The following SNAP91 variants were observed in gnomAD, a reference collection of about 807,000 sequenced individuals.
SNAP91 encodes clathrin coat assembly protein AP180.
In SNAP91, 27 loss-of-function variants were observed where a neutral mutation model predicts 100.3. That is an observed-to-expected ratio of 0.27 (90% CI 0.20 to 0.37). The LOEUF (loss-of-function observed/expected upper bound fraction) is 0.37. Ranked by LOEUF, SNAP91 falls within the 10% of genes least tolerant of loss-of-function variation. SNAP91 has a pLI of 1.00. For missense variants in SNAP91, 986 were observed against 1,123.7 expected (o/e 0.88, Z 1.75); for synonymous variants, 404 against 398.6 (o/e 1.01, Z -0.16).
chr6:83,589,252 A>G (rs57040350), intron 22 of SNAP91, among the ~76,000 whole-genome samples: 6,386 of 152,284 alleles, frequency 0.042, 416 homozygotes, highest in East Asian at 0.19. Context: ...AAGAATATCT[A>G]GGCCTGGATA....
chr6:83,605,903 T>A, intron 13 of SNAP91, 100 bp from the exon 14 acceptor site: 2 of 1,004,320 alleles, frequency 2.0e-6, no homozygotes, highest in Non-Finnish European at 1.4e-6. Flanking sequence ...ATTTTAGGTA[T>A]TTTAAATCCA....
In SNAP91 at chr6:83,707,691, G is replaced by C. The variant is rs926143221; in HGVS notation, c.130+107C>G. 1.4e-5 allele frequency: 20 copies of C among 1,421,762 alleles called. No homozygotes were observed. The Middle Eastern group carries it at 1.2e-3, about 86-fold the overall frequency. 88.1% of individuals were successfully genotyped at this position (1,421,762 alleles called of 1,614,324 possible). A position where few individuals can be genotyped will look rare whatever the true frequency, so the allele number is the denominator to read the frequency against. On this transcript the variant is annotated intron_variant, in intron 2 of 29. Coordinates refer to ENST00000369694, the MANE Select transcript of SNAP91 (RefSeq NM_001242792.2). ...TTTCAGCTCAGGGGCAACCTGGCTGGGAGTATCAGAGGCCACAGCATTATG... is the reference window on the plus strand; with the variant it reads ...TTTCAGCTCAGGGGCAACCTGGCTGCGAGTATCAGAGGCCACAGCATTATG...
intron 2 of SNAP91, among the ~76,000 whole-genome samples, chr6:83,670,694 T>G (rs908424662): frequency 6.6e-6 from 1 of 151,772 alleles, no homozygotes; most frequent in Admixed American, 6.6e-5. Flanking sequence ...TGGCATGAGG[T>G]ATGGATGTTT....
chr6:83,633,791 C>T (rs923517709), intron 8 of SNAP91, among the ~76,000 whole-genome samples: 18 of 152,124 alleles, frequency 1.2e-4, no homozygotes, highest in African/African-American at 3.6e-4. Flanking sequence ...GAATCTGCCC[C>T]AGGCTACCCA....
At chr6:83,652,436 A>C (rs1401437278) in intron 7 of SNAP91, among the ~76,000 whole-genome samples, 2 of 152,256 alleles carry the variant, frequency 1.3e-5, no homozygotes, top group East Asian at 3.9e-4. Context: ...ATCCAAGGCC[A>C]CTTTCAAATA....
intron 2 of SNAP91, among the ~76,000 whole-genome samples, chr6:83,675,032 G>T (rs2098841497): frequency 1.3e-5 from 2 of 152,166 alleles, no homozygotes. Context: ...TTAGGTGGGA[G>T]GGATACCTGA....
At chr6:83,625,274 T>G (rs1305460509) in intron 8 of SNAP91, among the ~76,000 whole-genome samples, 2 of 152,200 alleles carry the variant, frequency 1.3e-5, no homozygotes, top group African/African-American at 4.8e-5. Flanking sequence ...CCACATTTTC[T>G]TTAACTGGTC....
At chr6:83,638,273 G>C (rs1005252785) in intron 8 of SNAP91, among the ~76,000 whole-genome samples, 6 of 151,958 alleles carry the variant, frequency 3.9e-5, no homozygotes, top group African/African-American at 1.2e-4. Flanking sequence ...TCTCTCAAAA[G>C]ATCTGTTGAT....
chr6:83,698,477 A>G (rs1177670909), intron 2 of SNAP91, among the ~76,000 whole-genome samples: 1 of 152,152 alleles, frequency 6.6e-6, no homozygotes, highest in East Asian at 1.9e-4. Context: ...GGCCTTTGAG[A>G]CTAAGCAAGG....
intron 2 of SNAP91, among the ~76,000 whole-genome samples, chr6:83,684,056 A>G (rs765689069): frequency 6.6e-6 from 1 of 152,152 alleles, no homozygotes; most frequent in African/African-American, 2.4e-5. Flanking sequence ...ATTTTTAATC[A>G]GCTCTCAAAA....
intron 23 of SNAP91, among the ~76,000 whole-genome samples, chr6:83,581,867 G>A (rs1320399189): frequency 1.3e-5 from 2 of 152,164 alleles, no homozygotes; most frequent in African/African-American, 2.4e-5. Context: ...CAGTGGGAGT[G>A]TTCACATATT....
At chr6:83,594,516 A>T (rs1310423453) in intron 16 of SNAP91, 35 bp from the exon 17 acceptor site, 1 of 1,225,344 alleles carries the variant, frequency 8.2e-7, no homozygotes, top group Non-Finnish European at 1.1e-6. Flanking sequence ...AGAAATTAAA[A>T]GAATAAAAAG....
At chr6:83,673,120 T>C (rs1356336559) in intron 2 of SNAP91, among the ~76,000 whole-genome samples, 1 of 152,210 alleles carries the variant, frequency 6.6e-6, no homozygotes, top group Non-Finnish European at 1.5e-5. Context: ...CTTATATATA[T>C]ATGCAAGATT....
intron 9 of SNAP91, among the ~76,000 whole-genome samples, chr6:83,620,069 G>T (rs1421351453): frequency 3.3e-5 from 5 of 152,074 alleles, no homozygotes; most frequent in Non-Finnish European, 2.9e-5. Context: ...TAATAATTAT[G>T]ATATTATGTG....
intron 2 of SNAP91, among the ~76,000 whole-genome samples, chr6:83,700,409 T>G (rs1299448857): frequency 6.6e-6 from 1 of 152,024 alleles, no homozygotes; most frequent in Non-Finnish European, 1.5e-5. Flanking sequence ...GTACTAGTAA[T>G]GTTTATTATT....
chr6:83,588,984 A>C (rs1388595332), intron 22 of SNAP91, among the ~76,000 whole-genome samples: 1 of 152,158 alleles, frequency 6.6e-6, no homozygotes. Context: ...AGAAAGAAAG[A>C]ATTCATAGGC....
chr6:83,702,656 GT>G (rs2099328468), intron 2 of SNAP91, among the ~76,000 whole-genome samples: 2 of 150,522 alleles, frequency 1.3e-5, no homozygotes, highest in Non-Finnish European at 2.9e-5. Context: ...ATCAAATTGA[GT>G]TATCAATTTT....
chr6:83,603,483 GC>G (rs1164628105), intron 14 of SNAP91, among the ~76,000 whole-genome samples: 5 of 151,788 alleles, frequency 3.3e-5, no homozygotes, highest in Non-Finnish European at 5.9e-5. Flanking sequence ...TCTCATCTCA[GC>G]CTCCTCAGAA....
At chr6:83,707,729 A>AG (rs2099399743) in intron 2 of SNAP91, 69 bp downstream of exon 2, 1 of 1,585,528 alleles carries the variant, frequency 6.3e-7, no homozygotes, top group African/African-American at 1.4e-5. Context: ...CCAAGAGCGC[A>AG]GGCCGCACCA....
Sources: gnomAD v4.1 joint callset for allele counts (sites outside exome capture counted in the v4.1 genomes callset) on GRCh38, gnomAD v4.1.1 for gene constraint, MANE v1.5 for transcripts, NCBI Gene and HGNC (gene_info 2026-07-23, HGNC 2026-07-21) for gene names.